Variants in GRM8 observed in about 807,000 individuals in gnomAD.
The protein encoded by GRM8 is metabotropic glutamate receptor 8.
Under a neutral mutation model 87.2 loss-of-function variants are expected in GRM8, and 47 were observed. The ratio of observed to expected loss-of-function variants is 0.54; its 90% CI spans 0.43 to 0.69. The LOEUF (loss-of-function observed/expected upper bound fraction) is 0.69, where lower values mean the gene tolerates loss of function less well. Ranked by LOEUF, GRM8 falls within the 30% of genes least tolerant of loss-of-function variation. The pLI is 0.00. For missense variants in GRM8, 1,019 were observed against 1,139.2 expected (o/e 0.89, Z 1.52); for synonymous variants, 396 against 404.5 (o/e 0.98, Z 0.25).
chr7:126,873,521 T>C (rs1028899827), intron 6 of GRM8, among the ~76,000 whole-genome samples: 3 of 152,178 alleles, frequency 2.0e-5, no homozygotes, highest in Non-Finnish European at 4.4e-5. Context: ...GAGAGTAAAA[T>C]AACTTCCCTA....
At chr7:126,576,643 C>T (rs1003927444) in intron 8 of GRM8, among the ~76,000 whole-genome samples, 1 of 152,112 alleles carries the variant, frequency 6.6e-6, no homozygotes, top group Non-Finnish European at 1.5e-5. Context: ...TCTGTTAAAC[C>T]TCTACAGAAA....
intron 4 of GRM8, 54 bp downstream of exon 4, chr7:126,904,494 A>T: frequency 6.6e-7 from 1 of 1,518,116 alleles, no homozygotes; most frequent in Admixed American, 1.7e-5. Flanking sequence ...TATGTTAGAA[A>T]GAGGATATGG....
chr7:126,515,075 T>C (rs1452222153), intron 9 of GRM8, among the ~76,000 whole-genome samples: 1 of 151,988 alleles, frequency 6.6e-6, no homozygotes, highest in Non-Finnish European at 1.5e-5. Context: ...TGTTGGGGGG[T>C]ATGTAAAATA....
chr7:126,438,929 T>A lies in GRM8; in HGVS notation c.*190A>T. 1.9e-6 allele frequency: 1 copy of A among 539,252 alleles called. No individual in the cohort carries two copies. The highest frequency in any genetic ancestry group is 2.7e-5 in the South Asian group (1 of 37,432). 33.4% of individuals were successfully genotyped at this position (539,252 alleles called of 1,614,324 possible). On this transcript the variant is annotated 3_prime_UTR_variant, in exon 11 of 11. Coordinates refer to ENST00000339582, the MANE Select transcript of GRM8 (RefSeq NM_000845.3). ...CTTGACACTCATTGGTTTTATTGTATAAAACGGGTTTCTTCACTCCCCGTT... is the reference window on the plus strand; with the variant it reads ...CTTGACACTCATTGGTTTTATTGTAAAAAACGGGTTTCTTCACTCCCCGTT...
intron 7 of GRM8, among the ~76,000 whole-genome samples, chr7:126,726,556 C>T (rs76687566): frequency 0.027 from 4,181 of 152,176 alleles, 209 homozygotes; most frequent in African/African-American, 0.095. Flanking sequence ...CCCATCCTGG[C>T]CCAGAACAGG....
intron 3 of GRM8, among the ~76,000 whole-genome samples, chr7:126,958,988 G>A (rs1232871787): frequency 2.0e-5 from 3 of 152,142 alleles, no homozygotes; most frequent in African/African-American, 7.2e-5. Flanking sequence ...ATTTCATTTT[G>A]TTGACTCTCT....
intron 3 of GRM8, among the ~76,000 whole-genome samples, chr7:126,948,552 G>C (rs1422202897): frequency 2.0e-5 from 3 of 151,532 alleles, no homozygotes; most frequent in Admixed American, 6.6e-5. Context: ...CTAAAAGACA[G>C]GTAGCAGGCA....
chr7:126,769,819 C>A (rs1216076116), intron 7 of GRM8, 46 bp downstream of exon 7: 10 of 1,274,704 alleles, frequency 7.8e-6, no homozygotes, highest in Non-Finnish European at 1.1e-5. Flanking sequence ...GAAAAACACA[C>A]CCTGTCGCTT....
chr7:127,020,939 T>A (rs1314914837), intron 3 of GRM8, among the ~76,000 whole-genome samples: 3 of 151,948 alleles, frequency 2.0e-5, no homozygotes, highest in African/African-American at 7.2e-5. Flanking sequence ...GAGCTTCCCT[T>A]AGCTAAGGGA....
At chr7:126,801,419 GGTT>G (rs1822671389) in intron 6 of GRM8, among the ~76,000 whole-genome samples, 1 of 68,462 alleles carries the variant, frequency 1.5e-5, no homozygotes, top group South Asian at 4.5e-4. Flanking sequence ...TTAACTTAAA[GGTT>G]GTTGTTGATA....
At chr7:127,251,736 G>C (rs1798884821) in intron 1 of GRM8, among the ~76,000 whole-genome samples, 1 of 151,588 alleles carries the variant, frequency 6.6e-6, no homozygotes. Context: ...CCGAAACTGG[G>C]GCCGCGCCAG....
At chr7:126,584,368 G>A (rs1562977284) in intron 8 of GRM8, among the ~76,000 whole-genome samples, 1 of 152,020 alleles carries the variant, frequency 6.6e-6, no homozygotes, top group Non-Finnish European at 1.5e-5. Context: ...AGAATTACAG[G>A]CACACGCCAC....
At chr7:126,797,513 G>A (rs1304865259) in intron 6 of GRM8, among the ~76,000 whole-genome samples, 1 of 151,600 alleles carries the variant, frequency 6.6e-6, no homozygotes, top group Non-Finnish European at 1.5e-5. Context: ...CATGCTCCAT[G>A]GTCCATGAAT....
chr7:126,513,647 C>T (rs1268727646), intron 9 of GRM8, among the ~76,000 whole-genome samples: 5 of 152,146 alleles, frequency 3.3e-5, no homozygotes, highest in Non-Finnish European at 5.9e-5. Flanking sequence ...CATTTCCCTT[C>T]ATTATCACCT....
At chr7:126,550,191 T>C (rs879581079) in intron 8 of GRM8, among the ~76,000 whole-genome samples, 3 of 152,026 alleles carry the variant, frequency 2.0e-5, no homozygotes, top group African/African-American at 7.2e-5. Flanking sequence ...CTCGGTTCAC[T>C]GCAACCTCTG....
intron 7 of GRM8, among the ~76,000 whole-genome samples, chr7:126,632,558 T>C (rs1414981554): frequency 6.6e-6 from 1 of 152,194 alleles, no homozygotes; most frequent in Non-Finnish European, 1.5e-5. Flanking sequence ...ATATAAATTA[T>C]TCTATTACAA....
rs1462985839 is a variant in GRM8 at position 126,941,814 on chromosome 7, TACCTAGAAAC to T, written c.728-37141_728-37132del. 3.9e-5 allele frequency among the ~76,000 whole-genome samples: 6 copies of T among 152,298 alleles called. No individual in the cohort carries two copies. The South Asian group carries it at 1.2e-3, about 32-fold the overall frequency. ...CAATATTATAAACAAAAATCACATC[TACCTAGAAAC>T]ATTTCTTTTAAAAAAATCTGCTGGC... On this transcript the variant is annotated intron_variant, in intron 3 of 10. Coordinates refer to ENST00000339582, the MANE Select transcript of GRM8 (RefSeq NM_000845.3).
intron 8 of GRM8, among the ~76,000 whole-genome samples, chr7:126,597,822 G>A (rs1484890453): frequency 4.6e-5 from 7 of 151,918 alleles, no homozygotes; most frequent in Admixed American, 2.0e-4. Context: ...GCATATCTGT[G>A]GGGTACATAT....
intron 9 of GRM8, among the ~76,000 whole-genome samples, chr7:126,485,449 G>T (rs754032207): frequency 1.3e-5 from 2 of 151,988 alleles, no homozygotes; most frequent in Non-Finnish European, 2.9e-5. Flanking sequence ...GCACAGTGGG[G>T]TGTGTCCTCG....
Sources: gnomAD v4.1 joint callset for allele counts (sites outside exome capture counted in the v4.1 genomes callset) on GRCh38, gnomAD v4.1.1 for gene constraint, MANE v1.5 for transcripts, NCBI Gene and HGNC (gene_info 2026-07-23, HGNC 2026-07-21) for gene names.